The following SCFD1 variants were observed in gnomAD, a reference collection of about 807,000 sequenced individuals.
The protein encoded by SCFD1 is sec1 family domain containing 1.
Under a neutral mutation model 103.2 loss-of-function variants are expected in SCFD1, and 37 were observed. The ratio of observed to expected loss-of-function variants is 0.36; its 90% CI spans 0.28 to 0.47. The LOEUF is 0.47. SCFD1 is among the 20% of genes least tolerant of loss of function. The pLI is 1.00. For synonymous variants in SCFD1, 264 were observed against 245.0 expected, an observed-to-expected ratio of 1.08 and a Z score of -0.73; for missense variants, 639 against 761.2, an observed-to-expected ratio of 0.84 and a Z score of 1.89.
intron 7 of SCFD1, chr14:30,644,137 G>T: frequency 2.8e-6 from 1 of 351,930 alleles, no homozygotes; most frequent in Non-Finnish European, 5.6e-6. Flanking sequence ...TTAGAATAAT[G>T]ACCTCCAGCT....
chr14:30,728,862 C>T (rs1483196804), intron 23 of SCFD1, among the ~76,000 whole-genome samples: 5 of 144,164 alleles, frequency 3.5e-5, no homozygotes, highest in Non-Finnish European at 6.0e-5. Flanking sequence ...TTTTTCCCCC[C>T]GAGACGGAGT....
chr14:30,680,177 G>C lies in SCFD1; in HGVS notation c.1242+5112G>C, dbSNP rs570656498. Among the ~76,000 whole-genome samples, 4 of 152,240 alleles carry C rather than the reference G, an allele frequency of 2.6e-5. 1 individual carries two copies. In the South Asian group the frequency reaches 8.3e-4, roughly 32 times the overall value. ...TAATACCTACTTTTATGAGGATAAA[G>C]CATTGTCATTTAGCAAGACCTAGTT... On this transcript the variant is annotated intron_variant, in intron 14 of 24. Transcript: ENST00000458591.
intron 23 of SCFD1, 161 bp from the exon 24 acceptor site, chr14:30,734,629 T>A: frequency 3.3e-6 from 2 of 604,330 alleles, no homozygotes; most frequent in African/African-American, 1.9e-5. Flanking sequence ...TTCCTCTTTA[T>A]TTCATGCAAT....
At position 30,650,470 on chromosome 14, in the gene SCFD1, G is replaced by C. The variant is rs541710240; in HGVS notation, c.670-95G>C. On this transcript the variant is annotated intron_variant, in intron 8 of 24. Transcript: ENST00000458591. The stretch of plus-strand genomic sequence containing the variant: ...ATTTGCTATTTGTAAAGAAATTCCA[G>C]GTTTCTTGGTTATGAAACTAAAAAC... The C allele has an allele frequency of 9.4e-5, 68 of 721,392 alleles. 1 individual carries two copies. The African/African-American group carries it at 1.2e-3, about 12-fold the overall frequency. The allele number at this position is 721,392 out of a possible 1,614,324, so 44.7% of individuals were successfully genotyped here.
intron 23 of SCFD1, among the ~76,000 whole-genome samples, chr14:30,729,969 G>A (rs907446651): frequency 3.3e-5 from 5 of 151,792 alleles, no homozygotes; most frequent in Admixed American, 1.3e-4. Context: ...TTAACTCATC[G>A]TTTACGTTAG....
intron 7 of SCFD1, among the ~76,000 whole-genome samples, 183 bp from the exon 8 acceptor site, chr14:30,649,345 C>G (rs1255704777): frequency 6.6e-6 from 1 of 151,784 alleles, no homozygotes; most frequent in African/African-American, 2.4e-5. Context: ...TACTTGTACC[C>G]CCTAAATATA....
chr14:30,629,027 T>C (rs186348094), intron 2 of SCFD1, among the ~76,000 whole-genome samples: 1 of 152,352 alleles, frequency 6.6e-6, no homozygotes, highest in East Asian at 1.9e-4. Context: ...GAGTATTCCC[T>C]AATTTTCTCC....
intron 19 of SCFD1, 26 bp from the exon 20 acceptor site, chr14:30,715,898 A>T: frequency 1.5e-6 from 2 of 1,361,946 alleles, no homozygotes; most frequent in Non-Finnish European, 2.1e-6. Flanking sequence ...TAATATTCTA[A>T]TATTTAACAA....
At chr14:30,626,836 C>T (rs779881825) in intron 1 of SCFD1, among the ~76,000 whole-genome samples, 1 of 152,146 alleles carries the variant, frequency 6.6e-6, no homozygotes, top group Non-Finnish European at 1.5e-5. Flanking sequence ...AAATGTATCA[C>T]TGAAGTACAA....
chr14:30,634,480 T>C (rs1884507517), intron 4 of SCFD1, among the ~76,000 whole-genome samples: 3 of 152,196 alleles, frequency 2.0e-5, no homozygotes, highest in Admixed American at 2.0e-4. Flanking sequence ...AATATGTATG[T>C]ATAGGAAAAA....
chr14:30,652,230 G>A (rs778149732), intron 9 of SCFD1: 2 of 152,118 alleles, frequency 1.3e-5, no homozygotes, highest in Admixed American at 6.6e-5. Flanking sequence ...AAAGTGGTGC[G>A]TACTCCTGAT....
At chr14:30,728,524 A>G (rs1271860652) in intron 23 of SCFD1, among the ~76,000 whole-genome samples, 1 of 152,202 alleles carries the variant, frequency 6.6e-6, no homozygotes, top group East Asian at 1.9e-4. Context: ...GTCCACGTGG[A>G]ACCATAGATA....
chr14:30,701,593 A>G (rs1004658902), intron 16 of SCFD1, among the ~76,000 whole-genome samples: 11 of 152,142 alleles, frequency 7.2e-5, no homozygotes, highest in Non-Finnish European at 1.0e-4. Flanking sequence ...GGGTTTACCT[A>G]TATATCTCAG....
chr14:30,662,150 AT>A, intron 10 of SCFD1, among the ~76,000 whole-genome samples: 1 of 152,212 alleles, frequency 6.6e-6, no homozygotes, highest in Non-Finnish European at 1.5e-5. Context: ...TGCATTAAAC[AT>A]TTTCTTTATC....
intron 23 of SCFD1, among the ~76,000 whole-genome samples, chr14:30,726,323 A>T (rs930389009): frequency 6.6e-6 from 1 of 152,186 alleles, no homozygotes; most frequent in Non-Finnish European, 1.5e-5. Context: ...AACAATTATT[A>T]ATCTAGTTAT....
chr14:30,701,154 T>G (rs1891051939), intron 16 of SCFD1, among the ~76,000 whole-genome samples: 2 of 152,340 alleles, frequency 1.3e-5, no homozygotes, highest in South Asian at 2.1e-4. Context: ...TAGTATCTGG[T>G]AAATTGATAG....
At position 30,721,912 on chromosome 14, in the gene SCFD1, C is replaced by G. The variant is rs1389540996; in HGVS notation, c.1765C>G (p.Gln589Glu). 1.9e-6 allele frequency: 3 copies of G among 1,606,670 alleles called. No homozygotes were observed. In the African/African-American group the frequency reaches 4.0e-5, roughly 22 times the overall value. ...SSVPRNKNPFQEAIVFVVGGG... is the reference protein window; with the variant it reads ...SSVPRNKNPFEEAIVFVVGGG... Reference sequence around the variant, plus strand: ...AGTTCCCAGAAATAAAAATCCATTCCAAGAGGTAAGTTTCATATAAAAATT... The same window carrying G: ...AGTTCCCAGAAATAAAAATCCATTCGAAGAGGTAAGTTTCATATAAAAATT... Residue 589 changes from glutamine (Q) to glutamate (E), a missense_variant, in exon 22 of 25, where the codon CAA becomes GAA. Physicochemically the swap from Gln to Glu is conservative, Grantham distance 29. Coordinates refer to ENST00000458591, the MANE Select transcript of SCFD1 (RefSeq NM_016106.4).
intron 23 of SCFD1, among the ~76,000 whole-genome samples, chr14:30,732,047 A>G (rs1011856538): frequency 6.6e-6 from 1 of 152,176 alleles, no homozygotes; most frequent in Non-Finnish European, 1.5e-5. Context: ...TAATTCATTG[A>G]GAGTTTTTAG....
intron 10 of SCFD1, among the ~76,000 whole-genome samples, chr14:30,662,407 TC>T (rs1175326086): frequency 6.6e-6 from 1 of 152,200 alleles, no homozygotes; most frequent in African/African-American, 2.4e-5. Flanking sequence ...CCTTTCCTCT[TC>T]CTCACATCCC....
Sources: allele counts gnomAD v4.1 joint callset (sites outside exome capture counted in the v4.1 genomes callset), GRCh38; gene constraint gnomAD v4.1.1; transcripts MANE v1.5; gene names NCBI Gene and HGNC (gene_info 2026-07-23, HGNC 2026-07-21).